The following SULF2 variants were observed in gnomAD, a reference collection of about 807,000 sequenced individuals.
SULF2 encodes the protein sulfatase 2, also known as extracellular sulfatase Sulf-2.
Under a neutral mutation model 107.7 loss-of-function variants are expected in SULF2, and 52 were observed. That is an observed-to-expected ratio of 0.48 (90% confidence interval 0.39 to 0.61). The LOEUF is 0.61. Ranked by LOEUF, SULF2 falls within the 20% of genes least tolerant of loss-of-function variation. The probability of loss-of-function intolerance (pLI) is 0.00; values close to 1 mark genes in which losing one functional copy is unlikely to be tolerated. For synonymous variants in SULF2, 460 were observed against 464.3 expected, an observed-to-expected ratio of 0.99 and a Z score of 0.12; for missense variants, 993 against 1,177.3, an observed-to-expected ratio of 0.84 and a Z score of 2.29.
intron 3 of SULF2, among the ~76,000 whole-genome samples, chr20:47,733,346 A>G (rs563182060): frequency 6.6e-6 from 1 of 152,322 alleles, no homozygotes; most frequent in South Asian, 2.1e-4. Context: ...AGTAAAGGAT[A>G]TCATCTTGTG....
rs77028867 is a variant in SULF2, at chr20:47,774,165, C to G, written c.-101+11178G>C. ...AGATGCGAGTGGAGTGCCTTTGGAA[C>G]GACAGGTCGGCTTCCCAATGTGGCT... On this transcript the variant is annotated intron_variant, in intron 1 of 20. Transcript: ENST00000688720. Among the ~76,000 whole-genome samples the G allele has an allele frequency of 1.8e-4, 27 of 152,362 alleles. 1 individual carries two copies. In the East Asian group the frequency reaches 4.6e-3, roughly 26 times the overall value.
chr20:47,750,144 G>A (rs969258443), intron 2 of SULF2, among the ~76,000 whole-genome samples: 24 of 152,228 alleles, frequency 1.6e-4, no homozygotes, highest in African/African-American at 5.3e-4. Flanking sequence ...ACCATGCCCC[G>A]CTAATTTTTG....
intron 3 of SULF2, among the ~76,000 whole-genome samples, chr20:47,729,878 C>T (rs2089547915): frequency 6.6e-6 from 1 of 152,230 alleles, no homozygotes; most frequent in Non-Finnish European, 1.5e-5. Flanking sequence ...CACGCAGCAG[C>T]CCTCCTGCCC....
In SULF2 at chr20:47,679,656, C is replaced by T. The variant is rs561436641; in HGVS notation, c.1065-852G>A. ...CATGAGCAGGGACGCAGATGCTCCC[C>T]AGTCAAGCCTCTGGATGAGACCACA... On this transcript the variant is annotated intron_variant, in intron 7 of 20. Coordinates refer to ENST00000688720, the MANE Select transcript of SULF2 (RefSeq NM_001387048.1). Among the ~76,000 whole-genome samples, 5 of 152,282 alleles carry T rather than the reference C, an allele frequency of 3.3e-5. No homozygotes were observed. The South Asian group carries it at 8.3e-4, about 25-fold the overall frequency.
chr20:47,671,450 T>G (rs2087467966), intron 11 of SULF2, among the ~76,000 whole-genome samples: 1 of 152,106 alleles, frequency 6.6e-6, no homozygotes, highest in Non-Finnish European at 1.5e-5. Context: ...TTTTTTGTAT[T>G]TTTAGTAGAG....
intron 2 of SULF2, among the ~76,000 whole-genome samples, chr20:47,749,500 G>C (rs2090116466): frequency 6.6e-6 from 1 of 152,234 alleles, no homozygotes; most frequent in South Asian, 2.1e-4. Context: ...CAGGAGGTGG[G>C]ATCTCAGAGA....
rs972655187 is a variant in SULF2, at chr20:47,757,228, T to C, written c.136A>G (p.Ile46Val). The C allele has an allele frequency of 3.2e-6, 5 of 1,564,682 alleles. No individual in the cohort carries two copies. The Admixed American group carries it at 5.7e-5, about 18-fold the overall frequency. Residue 46 changes from isoleucine to valine, a missense_variant, in exon 2 of 21, where the codon ATC becomes GTC. Physicochemically the swap from Ile to Val is conservative, Grantham distance 29. Transcript: ENST00000688720. ...QRDRRNIRPN[I>V]ILVLTDDQDV... ...TGGTCGTCCGTCAGCACCAGGATGA[T>C]GTTGGGGCGGATGTTCCTGCGGTCC... is the stretch of plus-strand genomic sequence containing the variant.
chr20:47,699,980 G>A (rs2146586613), intron 4 of SULF2, among the ~76,000 whole-genome samples: 1 of 152,278 alleles, frequency 6.6e-6, no homozygotes, highest in South Asian at 2.1e-4. Context: ...GTCACAGTAG[G>A]CAGGGCCCAG....
intron 5 of SULF2, 194 bp from the exon 6 acceptor site, chr20:47,684,775 C>T (rs187493641): frequency 6.7e-5 from 36 of 539,190 alleles, no homozygotes; most frequent in Non-Finnish European, 9.0e-5. Flanking sequence ...CGTTTCTCCA[C>T]GTGTGAAGTG....
intron 1 of SULF2, among the ~76,000 whole-genome samples, chr20:47,777,564 T>C (rs1030426577): frequency 1.8e-4 from 28 of 152,186 alleles, no homozygotes; most frequent in African/African-American, 6.3e-4. Context: ...CTTGGTGTTA[T>C]GTGAGAATTA....
chr20:47,729,269 G>GCCTT (rs1254043384), intron 3 of SULF2, among the ~76,000 whole-genome samples: 1 of 152,196 alleles, frequency 6.6e-6, no homozygotes, highest in Non-Finnish European at 1.5e-5. Context: ...GGTTCAGAGA[G>GCCTT]AAGGGAAGGA....
rs144505546 is a variant in SULF2 at position 47,671,936 on chromosome 20, C to A, written c.1576+262G>T. ...TGTTGGCCAGGCTGGTCTGGAGCTC[C>A]TGACCTCAGGTGATCTGCCTGCCTC... On this transcript the variant is annotated intron_variant, in intron 11 of 20. Transcript: ENST00000688720. Among the ~76,000 whole-genome samples the A allele has an allele frequency of 3.3e-5, 5 of 152,322 alleles. No homozygotes were observed. In the East Asian group the frequency reaches 9.6e-4, roughly 29 times the overall value.
At chr20:47,683,702 T>C (rs972418600) in intron 6 of SULF2, among the ~76,000 whole-genome samples, 2 of 152,244 alleles carry the variant, frequency 1.3e-5, no homozygotes, top group Non-Finnish European at 2.9e-5. Context: ...AAATGAGGCT[T>C]GTGTGACAGA....
chr20:47,737,755 G>GTTTTTTTTTTTTTTT (rs11484375), intron 2 of SULF2, among the ~76,000 whole-genome samples: 1 of 61,834 alleles, frequency 1.6e-5, no homozygotes, highest in Non-Finnish European at 3.0e-5. Flanking sequence ...TCTTTTCTTT[G>GTTTTTTTTTTTTTTT]TTTTTTTTTT....
intron 2 of SULF2, among the ~76,000 whole-genome samples, chr20:47,741,375 C>A (rs769242542): frequency 1.2e-4 from 19 of 152,082 alleles, no homozygotes; most frequent in Admixed American, 2.0e-4. Context: ...ACCTCTCCCC[C>A]GGAGCCCCGC....
At chr20:47,676,465 G>A (rs749883712) in intron 10 of SULF2, 29 bp downstream of exon 10, 1 of 1,599,864 alleles carries the variant, frequency 6.3e-7, no homozygotes, top group Non-Finnish European at 8.5e-7. Flanking sequence ...AGGAGGGGGA[G>A]CCGTTGGGAG....
At position 47,683,145 on chromosome 20, in the gene SULF2, C is replaced by T; in HGVS notation, c.913G>A (p.Gly305Ser). Residue 305 changes from glycine to serine, a missense_variant, in exon 7 of 21, where the codon GGC becomes AGC. This residue lies in a region of SULF2 where 388 missense variants were observed against 449.2 expected (regional missense o/e 0.86). Transcript: ENST00000688720. ...ETIYNMLVET[G>S]ELDNTYIVYT... ...ACGATGTACGTGTTGTCCAGCTCGCCCGTCTCAACCAGCATGTTGTAAATC... is the reference window on the plus strand; with the variant it reads ...ACGATGTACGTGTTGTCCAGCTCGCTCGTCTCAACCAGCATGTTGTAAATC... The T allele has an allele frequency of 6.2e-7, 1 of 1,605,790 alleles. No individual in the cohort carries two copies. The highest frequency in any genetic ancestry group is 1.1e-5 in the South Asian group (1 of 90,686).
At chr20:47,692,205 T>C (rs1443792433) in intron 4 of SULF2, among the ~76,000 whole-genome samples, 1 of 152,168 alleles carries the variant, frequency 6.6e-6, no homozygotes, top group Non-Finnish European at 1.5e-5. Flanking sequence ...GAAAAAAAGG[T>C]GAAGAGGTGT....
At position 47,682,700 on chromosome 20, in the gene SULF2, A is replaced by G. The variant is rs559966643; in HGVS notation, c.1064+294T>C. On this transcript the variant is annotated intron_variant, in intron 7 of 20. Transcript: ENST00000688720. Reference sequence around the variant, plus strand: ...AGCCCAGAACAGAAATCCAAGCACCATTCCCACCCGCTGGTGACATGCATG... The same window carrying G: ...AGCCCAGAACAGAAATCCAAGCACCGTTCCCACCCGCTGGTGACATGCATG... Among the ~76,000 whole-genome samples the G allele has an allele frequency of 1.2e-3, 185 of 152,254 alleles. 1 individual carries two copies. Among genetic ancestry groups the G allele is most frequent in the African/African-American group, 4.4e-3 (181 of 41,536 alleles).
Sources: allele counts gnomAD v4.1 joint callset (sites outside exome capture counted in the v4.1 genomes callset), GRCh38; gene constraint gnomAD v4.1.1; regional missense constraint gnomAD v4.1.1; transcripts MANE v1.5; gene names NCBI Gene and HGNC (gene_info 2026-07-23, HGNC 2026-07-21).